Variants in DMD observed in about 807,000 individuals in gnomAD.
The protein encoded by DMD is mutant dystrophin.
In DMD, 63 loss-of-function variants were observed where a neutral mutation model predicts 330.1. The ratio of observed to expected loss-of-function variants is 0.19; its 90% CI spans 0.16 to 0.24. DMD has a LOEUF of 0.24. DMD is among the 10% of genes least tolerant of loss of function. The pLI, the probability that DMD is intolerant of heterozygous loss-of-function variation, is 1.00. For synonymous variants in DMD, 1,223 were observed against 959.8 expected, an observed-to-expected ratio of 1.27 and a Z score of -5.07; for missense variants, 3,344 against 2,684.1, an observed-to-expected ratio of 1.25 and a Z score of -5.43.
chrX:31,892,204 G>A (rs1168155791), intron 47 of DMD, among the ~76,000 whole-genome samples: 1 of 111,750 alleles, frequency 8.9e-6, no homozygotes, highest in African/African-American at 3.3e-5. Flanking sequence ...CCAAGAAGTT[G>A]TGCGTTTCCA....
At chrX:32,252,370 T>G (rs1331937741) in intron 43 of DMD, among the ~76,000 whole-genome samples, 1 of 108,763 alleles carries the variant, frequency 9.2e-6, no homozygotes, top group East Asian at 2.9e-4. Flanking sequence ...TAGCACCTAC[T>G]GCGGCTTGTA....
At chrX:32,188,734 C>T (rs2052369870) in intron 44 of DMD, among the ~76,000 whole-genome samples, 1 of 109,578 alleles carries the variant, frequency 9.1e-6, no homozygotes, top group Non-Finnish European at 1.9e-5. Context: ...AATTTATACA[C>T]ACACATACAC....
At chrX:32,383,752 T>A (rs981325054) in intron 33 of DMD, among the ~76,000 whole-genome samples, 3 of 110,835 alleles carry the variant, frequency 2.7e-5, no homozygotes, top group African/African-American at 9.8e-5. Flanking sequence ...TTTTCAGGAA[T>A]AAATAGGGTT....
At chrX:31,849,690 T>C (rs1449818419) in intron 48 of DMD, among the ~76,000 whole-genome samples, 1 of 110,541 alleles carries the variant, frequency 9.0e-6, no homozygotes, top group Non-Finnish European at 1.9e-5. Context: ...ACTTATGTTT[T>C]CCAATTGATC....
intron 2 of DMD, among the ~76,000 whole-genome samples, chrX:33,008,299 T>A (rs1368225266): frequency 9.0e-6 from 1 of 111,585 alleles, no homozygotes; most frequent in Non-Finnish European, 1.9e-5. Context: ...ACAAGAAAGG[T>A]TTCTACAGTT....
At chrX:31,639,252 T>C (rs1409990681) in intron 54 of DMD, among the ~76,000 whole-genome samples, 1 of 111,560 alleles carries the variant, frequency 9.0e-6, no homozygotes, top group Non-Finnish European at 1.9e-5. Flanking sequence ...GTTACTATAA[T>C]AGCATTCTGT....
At position 32,472,292 on chromosome X, in the gene DMD, G is replaced by T. The variant is rs1477425663; in HGVS notation, c.2821C>A (p.Pro941Thr). The T allele has an allele frequency of 8.3e-7, 1 of 1,210,574 alleles. No individual in the cohort carries two copies. The highest frequency in any genetic ancestry group is 1.8e-5 in the South Asian group (1 of 56,914). ...CTCATGGTCTCCTGATAGCGCATTGGTGGCAAAGTGTCAAAAACTTTATCA... is the reference window on the plus strand; with the variant it reads ...CTCATGGTCTCCTGATAGCGCATTGTTGGCAAAGTGTCAAAAACTTTATCA... Reference protein sequence around the residue: ...ELQTIFDTLPPMRYQETMSAI... With the variant: ...ELQTIFDTLPTMRYQETMSAI... Residue 941 changes from proline to threonine, a missense_variant, in exon 22 of 79, where the codon CCA (proline) becomes ACA (threonine). Coordinates refer to ENST00000357033, the MANE Select transcript of DMD (RefSeq NM_004006.3).
chrX:32,544,860 G>C (rs951435815), intron 17 of DMD, among the ~76,000 whole-genome samples: 1 of 107,940 alleles, frequency 9.3e-6, no homozygotes, highest in African/African-American at 3.4e-5. Flanking sequence ...AAAAAAAAAA[G>C]AAAGAAAGAA....
chrX:32,890,662 A>G (rs1277523978), intron 2 of DMD, among the ~76,000 whole-genome samples: 2 of 111,396 alleles, frequency 1.8e-5, no homozygotes, highest in Non-Finnish European at 3.8e-5. Context: ...AACATCCCAG[A>G]TTGTCTAAAA....
At chrX:32,512,802 C>G (rs2045471993) in intron 18 of DMD, among the ~76,000 whole-genome samples, 1 of 111,718 alleles carries the variant, frequency 9.0e-6, no homozygotes, top group South Asian at 3.8e-4. Context: ...GGGGCTGTCT[C>G]TAAGAGTATG....
At chrX:31,889,620 GTCTCTCTCTCTCTC>G (rs34605571) in intron 47 of DMD, among the ~76,000 whole-genome samples, 39 of 80,559 alleles carry the variant, frequency 4.8e-4, no homozygotes, top group Admixed American at 9.3e-4. Context: ...CTCTCTCTCT[GTCTCTCTCTCTCTC>G]TCTCTCTCTC....
intron 62 of DMD, among the ~76,000 whole-genome samples, chrX:31,299,873 T>C (rs2054510858): frequency 1.8e-5 from 2 of 110,275 alleles, no homozygotes; most frequent in South Asian, 3.9e-4. Flanking sequence ...GTGCTGCATA[T>C]GGTAAATACC....
At chrX:32,403,081 T>C (rs1468922270) in intron 30 of DMD, among the ~76,000 whole-genome samples, 1 of 111,379 alleles carries the variant, frequency 9.0e-6, no homozygotes, top group Non-Finnish European at 1.9e-5. Context: ...GGTTAGAGAA[T>C]GGGAATAGAC....
At chrX:32,815,753 G>A (rs1014091546) in intron 6 of DMD, among the ~76,000 whole-genome samples, 1 of 109,439 alleles carries the variant, frequency 9.1e-6, no homozygotes, top group Non-Finnish European at 1.9e-5. Flanking sequence ...TATAGTTAAG[G>A]ACTTTGGTTC....
At chrX:31,179,467 T>C (rs770858459) in intron 69 of DMD, among the ~76,000 whole-genome samples, 8 of 112,356 alleles carry the variant, frequency 7.1e-5, no homozygotes, top group South Asian at 7.4e-4. Context: ...GTAATGCCAA[T>C]AGACATATGA....
intron 62 of DMD, among the ~76,000 whole-genome samples, chrX:31,300,392 G>GTCT (rs1440028700): frequency 8.9e-6 from 1 of 111,902 alleles, no homozygotes; most frequent in Non-Finnish European, 1.9e-5. Flanking sequence ...TGTATTCTGG[G>GTCT]TCTTCAGTCA....
chrX:32,827,065 C>CAAACA (rs1557061629), intron 4 of DMD, among the ~76,000 whole-genome samples: 1 of 68,986 alleles, frequency 1.4e-5, no homozygotes, highest in Non-Finnish European at 2.6e-5. Flanking sequence ...CACCCCCCCC[C>CAAACA]CACACACACA....
chrX:32,575,891 A>G (rs2052990283), intron 13 of DMD, among the ~76,000 whole-genome samples: 1 of 112,116 alleles, frequency 8.9e-6, no homozygotes. Context: ...AAGACTTTCA[A>G]GTATATATAG....
intron 1 of DMD, among the ~76,000 whole-genome samples, chrX:33,169,985 C>T (rs1028293338): frequency 1.4e-4 from 15 of 111,023 alleles, no homozygotes; most frequent in Non-Finnish European, 2.8e-4. Context: ...AACAAACACC[C>T]TGCATTTCCT....
Sources: gnomAD v4.1 joint callset for allele counts (sites outside exome capture counted in the v4.1 genomes callset) on GRCh38, gnomAD v4.1.1 for gene constraint, MANE v1.5 for transcripts, NCBI Gene and HGNC (gene_info 2026-07-23, HGNC 2026-07-21) for gene names.